Variants in FRMD3 observed in about 807,000 individuals in gnomAD.
FRMD3 encodes FERM domain containing 3.
In FRMD3, 33 loss-of-function variants were observed where a neutral mutation model predicts 70.2. The ratio of observed to expected loss-of-function variants is 0.47; its 90% CI spans 0.36 to 0.63. FRMD3 has a LOEUF of 0.63. Among genes scored for constraint, FRMD3 ranks in the 20% least tolerant of loss-of-function variants. FRMD3 has a pLI of 0.00. For synonymous variants in FRMD3, 279 were observed against 255.9 expected, an observed-to-expected ratio of 1.09 and a Z score of -0.86; for missense variants, 632 against 711.4, an observed-to-expected ratio of 0.89 and a Z score of 1.27.
intron 1 of FRMD3, among the ~76,000 whole-genome samples, chr9:83,489,885 T>G (rs1229206043): frequency 6.6e-6 from 1 of 152,216 alleles, no homozygotes; most frequent in Non-Finnish European, 1.5e-5. Flanking sequence ...GAAGGACCTA[T>G]GACTTTTGTT....
At chr9:83,583,832 C>T in the FRMD3 span, among the ~76,000 whole-genome samples, 1 of 152,136 alleles carries the variant, frequency 6.6e-6, no homozygotes, top group Admixed American at 6.5e-5. Flanking sequence ...TGCTCTCAAA[C>T]TCCTGGGCTG....
chr9:83,390,081 C>G (rs963290835), intron 1 of FRMD3, among the ~76,000 whole-genome samples: 8 of 152,162 alleles, frequency 5.3e-5, no homozygotes, highest in Non-Finnish European at 1.0e-4. Flanking sequence ...CATACAACGG[C>G]CTAACTGCTT....
intron 13 of FRMD3, among the ~76,000 whole-genome samples, chr9:83,273,825 CT>C (rs924913491): frequency 6.6e-6 from 1 of 151,704 alleles, no homozygotes; most frequent in Non-Finnish European, 1.5e-5. Context: ...GTTTTCTTTT[CT>C]TTTTTTTGAG....
chr9:83,435,293 G>A (rs1827101272), intron 1 of FRMD3, among the ~76,000 whole-genome samples: 1 of 152,122 alleles, frequency 6.6e-6, no homozygotes, highest in African/African-American at 2.4e-5. Flanking sequence ...AGGCCCACCT[G>A]GCAGATCCTT....
intron 1 of FRMD3, among the ~76,000 whole-genome samples, chr9:83,500,349 C>A (rs1398467897): frequency 3.6e-5 from 5 of 139,842 alleles, no homozygotes; most frequent in African/African-American, 1.2e-4. Context: ...ACCCTCTGTA[C>A]TCTCCATATA....
intron 1 of FRMD3, among the ~76,000 whole-genome samples, chr9:83,459,273 CCACCA>C (rs138708308): frequency 0.054 from 8,248 of 152,202 alleles, 359 homozygotes; most frequent in East Asian, 0.16. Flanking sequence ...CCTTAACGTC[CCACCA>C]AGCATCTGGC....
chr9:83,584,993 C>T, the FRMD3 span, among the ~76,000 whole-genome samples: 3 of 152,274 alleles, frequency 2.0e-5, no homozygotes, highest in East Asian at 3.9e-4. Context: ...ATTCACCTTT[C>T]GTTTAAGTCT....
At chr9:83,443,416 T>G (rs907475577) in intron 1 of FRMD3, among the ~76,000 whole-genome samples, 1 of 152,186 alleles carries the variant, frequency 6.6e-6, no homozygotes, top group African/African-American at 2.4e-5. Context: ...TTGCGATAGT[T>G]TGCTCAGAAT....
intron 12 of FRMD3, among the ~76,000 whole-genome samples, chr9:83,298,046 T>C (rs556592595): frequency 2.6e-5 from 4 of 152,206 alleles, no homozygotes; most frequent in African/African-American, 9.6e-5. Flanking sequence ...GTTTCAAAGA[T>C]GGGAAAGAAA....
the FRMD3 span, among the ~76,000 whole-genome samples, chr9:83,557,962 A>G: frequency 2.0e-5 from 3 of 152,244 alleles, no homozygotes; most frequent in African/African-American, 4.8e-5. Context: ...ATGAAACTAA[A>G]ATGGTGAATC....
rs547990333 is a variant in FRMD3 at position 83,289,922 on chromosome 9, C to T, written c.1195+681G>A. 1.1e-4 allele frequency among the ~76,000 whole-genome samples: 17 copies of T among 152,154 alleles called. No individual in the cohort carries two copies. The South Asian group carries it at 3.3e-3, about 30-fold the overall frequency. On this transcript the variant is annotated intron_variant, in intron 13 of 13. Coordinates refer to ENST00000304195, the MANE Select transcript of FRMD3 (RefSeq NM_174938.6). ...AGGAGAGTCCTTAAAAACAAAGATG[C>T]CTAGAAACACACATATTATTATTAT...
chr9:83,437,032 A>G (rs1331221470), intron 1 of FRMD3, among the ~76,000 whole-genome samples: 1 of 152,206 alleles, frequency 6.6e-6, no homozygotes, highest in Non-Finnish European at 1.5e-5. Context: ...CAATGGTTCC[A>G]CCATGTAAAA....
chr9:83,515,327 C>T (rs146582418), intron 1 of FRMD3, among the ~76,000 whole-genome samples: 1 of 151,846 alleles, frequency 6.6e-6, no homozygotes, highest in Non-Finnish European at 1.5e-5. Context: ...GAAGCATACA[C>T]GAGAATCAAT....
intron 6 of FRMD3, among the ~76,000 whole-genome samples, chr9:83,322,236 G>C (rs1359706781): frequency 6.6e-6 from 1 of 152,078 alleles, no homozygotes; most frequent in African/African-American, 2.4e-5. Flanking sequence ...TGGCTTCCCT[G>C]TTCCTCCTTG....
At chr9:83,405,973 A>T (rs1222092894) in intron 1 of FRMD3, among the ~76,000 whole-genome samples, 1 of 151,750 alleles carries the variant, frequency 6.6e-6, no homozygotes, top group Non-Finnish European at 1.5e-5. Flanking sequence ...GTTTCATTTC[A>T]CATAGGCAAT....
At chr9:83,447,514 C>T (rs367886390) in intron 1 of FRMD3, among the ~76,000 whole-genome samples, 21 of 152,312 alleles carry the variant, frequency 1.4e-4, no homozygotes, top group East Asian at 9.7e-4. Context: ...GCGGGCCAGC[C>T]GTAGGCCCGA....
At chr9:83,376,330 G>A (rs1380133427) in intron 2 of FRMD3, among the ~76,000 whole-genome samples, 2 of 152,096 alleles carry the variant, frequency 1.3e-5, no homozygotes, top group Admixed American at 1.3e-4. Context: ...GCCATCATCA[G>A]GAAAATGGGT....
intron 1 of FRMD3, among the ~76,000 whole-genome samples, chr9:83,411,405 T>C (rs969912972): frequency 1.3e-5 from 2 of 152,182 alleles, no homozygotes; most frequent in African/African-American, 4.8e-5. Flanking sequence ...TTCTATTGTT[T>C]TAGCTCAATC....
At chr9:83,257,879 A>G (rs1001912807) in intron 13 of FRMD3, among the ~76,000 whole-genome samples, 3 of 152,248 alleles carry the variant, frequency 2.0e-5, no homozygotes, top group African/African-American at 2.4e-5. Context: ...CAGCCCAATT[A>G]AAATAGATAA....
Sources: gnomAD v4.1 joint callset for allele counts (sites outside exome capture counted in the v4.1 genomes callset) on GRCh38, gnomAD v4.1.1 for gene constraint, MANE v1.5 for transcripts, NCBI Gene and HGNC (gene_info 2026-07-23, HGNC 2026-07-21) for gene names.